The following COL4A1 variants were observed in gnomAD, a reference collection of about 807,000 sequenced individuals.
The protein encoded by COL4A1 is collagen type IV alpha 1 chain.
Under a neutral mutation model 216.6 loss-of-function variants are expected in COL4A1, and 40 were observed. That is an observed-to-expected ratio of 0.18 (90% CI 0.14 to 0.24). The LOEUF (loss-of-function observed/expected upper bound fraction) is 0.24. Ranked by LOEUF, COL4A1 falls within the 10% of genes least tolerant of loss-of-function variation. The pLI is 1.00. For missense variants in COL4A1, 1,628 were observed against 2,196.8 expected (o/e 0.74, Z 5.18); for synonymous variants, 839 against 810.7 (o/e 1.03, Z -0.59).
intron 1 of COL4A1, among the ~76,000 whole-genome samples, chr13:110,301,373 G>A (rs955531274): frequency 6.6e-6 from 1 of 152,204 alleles, no homozygotes; most frequent in African/African-American, 2.4e-5. Context: ...TTATGTCCTG[G>A]CAAGTGTTGG....
chr13:110,201,295 AG>A (rs1366621207), intron 19 of COL4A1, 142 bp downstream of exon 19: 21 of 471,692 alleles, frequency 4.5e-5, no homozygotes, highest in Admixed American at 4.1e-4. Flanking sequence ...GAAGAGAAGG[AG>A]GGGGCGGAGG....
chr13:110,298,733 C>T (rs1020518036), intron 1 of COL4A1: 1 of 152,258 alleles, frequency 6.6e-6, no homozygotes. Context: ...GTCCTGCGTC[C>T]CAGCGCCCGC....
chr13:110,189,247 G>C (rs1242083452), intron 24 of COL4A1, among the ~76,000 whole-genome samples: 1 of 152,192 alleles, frequency 6.6e-6, no homozygotes, highest in Non-Finnish European at 1.5e-5. Flanking sequence ...ATTTTTAGTG[G>C]AGACGGGGTT....
intron 2 of COL4A1, among the ~76,000 whole-genome samples, chr13:110,241,769 C>G (rs548519621): frequency 6.6e-6 from 1 of 152,284 alleles, no homozygotes; most frequent in South Asian, 2.1e-4. Context: ...TTTCTGTAAA[C>G]TAGAATTTGC....
intron 42 of COL4A1, among the ~76,000 whole-genome samples, 167 bp from the exon 43 acceptor site, chr13:110,169,929 G>GAGGGAGGGACGAAGGGAGGA (rs1555302272): frequency 2.8e-5 from 4 of 140,504 alleles, no homozygotes; most frequent in Non-Finnish European, 6.1e-5. Flanking sequence ...AGGAAGGAAG[G>GAGGGAGGGACGAAGGGAGGA]AGGGAGGGAG....
At chr13:110,261,384 G>C (rs575516438) in intron 1 of COL4A1, among the ~76,000 whole-genome samples, 1 of 152,280 alleles carries the variant, frequency 6.6e-6, no homozygotes, top group Non-Finnish European at 1.5e-5. Flanking sequence ...TCCACCTCTC[G>C]GATTTGGGAG....
At position 110,219,597 on chromosome 13, in the gene COL4A1, C is replaced by T. The variant is rs573020076; in HGVS notation, c.145-5582G>A. 1.1e-4 allele frequency among the ~76,000 whole-genome samples: 16 copies of T among 150,092 alleles called. No individual in the cohort carries two copies. The South Asian group carries it at 3.4e-3, about 32-fold the overall frequency. On this transcript the variant is annotated intron_variant, in intron 2 of 51. Coordinates refer to ENST00000375820, the MANE Select transcript of COL4A1 (RefSeq NM_001845.6). ...AGAGCTTGAGCAGCACATACAGACGCACCTCAGCTTATGATGGGGTATGTC... is the reference window on the plus strand; with the variant it reads ...AGAGCTTGAGCAGCACATACAGACGTACCTCAGCTTATGATGGGGTATGTC...
At chr13:110,215,544 G>C (rs533560428) in intron 2 of COL4A1, among the ~76,000 whole-genome samples, 39 of 142,126 alleles carry the variant, frequency 2.7e-4, no homozygotes, top group African/African-American at 9.4e-4. Context: ...CTGGGAGACA[G>C]AGTGAGACTC....
At chr13:110,280,423 C>G (rs1290132924) in intron 1 of COL4A1, among the ~76,000 whole-genome samples, 1 of 152,214 alleles carries the variant, frequency 6.6e-6, no homozygotes, top group African/African-American at 2.4e-5. Flanking sequence ...TTCCAAACTT[C>G]ATAATTCTCA....
rs745831264 is a variant in COL4A1, at chr13:110,166,242, C to T, written c.4011G>A (p.Pro1337=). 14 of 1,606,474 alleles carry T rather than the reference C, an allele frequency of 8.7e-6. No homozygotes were observed. Among genetic ancestry groups the T allele is most frequent in the South Asian group, 5.5e-5 (5 of 90,944 alleles). ...IKGDQGDQGV[P]GAKGLPGPPG... is the part of the protein sequence containing the mutation. ...AACAAACTCTCCTACCTTTAGCTCC[C>T]GGGACGCCTTGATCGCCTTGATCAC... Residue 1337 remains proline, a synonymous_variant, in exon 45 of 52, where the codon CCG becomes CCA. Transcript: ENST00000375820.
chr13:110,210,298 T>C, intron 8 of COL4A1, 86 bp from the exon 9 acceptor site: 1 of 1,297,404 alleles, frequency 7.7e-7, no homozygotes, highest in Admixed American at 1.9e-5. Context: ...TTGGCATATA[T>C]TAGTGTTACA....
At chr13:110,220,743 C>T (rs537629599) in intron 2 of COL4A1, among the ~76,000 whole-genome samples, 4 of 152,198 alleles carry the variant, frequency 2.6e-5, no homozygotes, top group African/African-American at 9.6e-5. Flanking sequence ...TGGAGATGAG[C>T]AAATCTGTGT....
At chr13:110,212,060 G>T in intron 6 of COL4A1, 138 bp from the exon 7 acceptor site, 1 of 913,084 alleles carries the variant, frequency 1.1e-6, no homozygotes, top group Non-Finnish European at 1.8e-6. Context: ...CACAAGCTGT[G>T]CTACTGGGTA....
chr13:110,290,217 C>CAAGTGCGAACACACT (rs1198065835), intron 1 of COL4A1, among the ~76,000 whole-genome samples: 1 of 152,202 alleles, frequency 6.6e-6, no homozygotes, highest in Non-Finnish European at 1.5e-5. Context: ...GGTTAGACAA[C>CAAGTGCGAACACACT]AAGTGCGAAC....
rs892309492 is a variant in COL4A1 at position 110,161,100 on chromosome 13, C to T, written c.4640+92G>A. 3.7e-5 allele frequency: 49 copies of T among 1,331,046 alleles called. No individual in the cohort carries two copies. In the African/African-American group the frequency reaches 5.6e-4, roughly 15 times the overall value. 82.5% of individuals were successfully genotyped at this position (1,331,046 alleles called of 1,614,324 possible). ...ATAAGCTAAATGGCAATGGATTCAACGTTTTGGAGAAAAATAGAAAACATA... is the reference window on the plus strand; with the variant it reads ...ATAAGCTAAATGGCAATGGATTCAATGTTTTGGAGAAAAATAGAAAACATA... On this transcript the variant is annotated intron_variant, in intron 49 of 51. Transcript: ENST00000375820.
chr13:110,213,716 C>T lies in COL4A1; in HGVS notation c.279+66G>A. The T allele has an allele frequency of 2.6e-6, 4 of 1,522,614 alleles. No homozygotes were observed. The South Asian group carries it at 3.4e-5, about 13-fold the overall frequency. The allele number at this position is 1,522,614 out of a possible 1,614,324, so 94.3% of individuals were successfully genotyped here. ...GCAAGGAGAAAGGAGGGAAAAGGTGCCCGGCTCTGGAAGCGGGCCTGTCCC... is the reference window on the plus strand; with the variant it reads ...GCAAGGAGAAAGGAGGGAAAAGGTGTCCGGCTCTGGAAGCGGGCCTGTCCC... On this transcript the variant is annotated intron_variant, in intron 4 of 51. Transcript: ENST00000375820.
In COL4A1 at chr13:110,212,174, C is replaced by G. The variant is rs11841587; in HGVS notation, c.387+243G>C. Among the ~76,000 whole-genome samples, 4,054 of 152,270 alleles carry G rather than the reference C, an allele frequency of 0.027. 158 individuals carry two copies. Among genetic ancestry groups the G allele is most frequent in the African/African-American group, 0.09 (3,757 of 41,534 alleles). On this transcript the variant is annotated intron_variant, in intron 6 of 51. Transcript: ENST00000375820. ...TGTAGTAAATGATTATAGGTAATAA[C>G]TTTCGTGCTTAAATGCAATTTTAGG...
chr13:110,179,733 T>C (rs1878063022), intron 29 of COL4A1, among the ~76,000 whole-genome samples: 1 of 152,194 alleles, frequency 6.6e-6, no homozygotes, highest in East Asian at 1.9e-4. Context: ...CTCTGCAGCC[T>C]GGTGCCTGTG....
chr13:110,192,876 G>C lies in COL4A1; in HGVS notation c.1419C>G (p.Asp473Glu), dbSNP rs140440365. 1.2e-6 allele frequency: 2 copies of C among 1,614,022 alleles called. No homozygotes were observed. Among genetic ancestry groups the C allele is most frequent in the Non-Finnish European group, 1.7e-6 (2 of 1,179,984 alleles). Residue 473 changes from aspartate (D) to glutamate (E), a missense_variant, in exon 23 of 52, where the codon GAC (aspartate) becomes GAG (glutamate). Physicochemically the swap from Asp to Glu is conservative, Grantham distance 45. Coordinates refer to ENST00000375820, the MANE Select transcript of COL4A1 (RefSeq NM_001845.6). ...GTGGCCCGGGAGGCCCCCGATATCCGTCTATATCACAGATGAGGCAACTCT... is the reference window on the plus strand; with the variant it reads ...GTGGCCCGGGAGGCCCCCGATATCCCTCTATATCACAGATGAGGCAACTCT... ...KGESCLICDI[D>E]GYRGPPGPQG... is the part of the protein sequence containing the mutation.
Sources: gnomAD v4.1 joint callset for allele counts (sites outside exome capture counted in the v4.1 genomes callset) on GRCh38, gnomAD v4.1.1 for gene constraint, MANE v1.5 for transcripts, NCBI Gene and HGNC (gene_info 2026-07-23, HGNC 2026-07-21) for gene names.